The following FHIT variants were observed in gnomAD, a reference collection of about 807,000 sequenced individuals.
FHIT encodes fragile histidine triad diadenosine triphosphatase.
FHIT carries 19 observed loss-of-function variants against 17.9 expected under a neutral mutation model. The ratio of observed to expected loss-of-function variants is 1.06; its 90% CI spans 0.74 to 1.56. The LOEUF (loss-of-function observed/expected upper bound fraction) is 1.56. Among genes scored for constraint, FHIT ranks in the 40% most tolerant of loss-of-function variants. The probability of loss-of-function intolerance (pLI) is 0.00; values close to 1 mark genes in which losing one functional copy is unlikely to be tolerated. For synonymous variants in FHIT, 81 were observed against 69.7 expected, an observed-to-expected ratio of 1.16 and a Z score of -0.81; for missense variants, 248 against 189.2, an observed-to-expected ratio of 1.31 and a Z score of -1.82.
In FHIT at chr3:60,182,614, C is replaced by CA. The variant is rs375394278; in HGVS notation, c.104-168463dup. Reference sequence around the variant, plus strand: ...GCAACATGGCAAGTTCCTGTCTCTACAAAAAAATATAACAACAAAAAAGTC... The same window carrying CA: ...GCAACATGGCAAGTTCCTGTCTCTACAAAAAAAATATAACAACAAAAAAGTC... On this transcript the variant is annotated intron_variant, in intron 5 of 9. Coordinates refer to ENST00000492590, the MANE Select transcript of FHIT (RefSeq NM_002012.4). Among the ~76,000 whole-genome samples, 18 of 151,832 alleles carry CA rather than the reference C, an allele frequency of 1.2e-4. 2 individuals carry two copies. The South Asian group carries it at 3.5e-3, about 30-fold the overall frequency.
chr3:61,128,190 C>A (rs540911038), intron 2 of FHIT, among the ~76,000 whole-genome samples: 2 of 152,132 alleles, frequency 1.3e-5, no homozygotes, highest in East Asian at 3.9e-4. Context: ...AGATAAACTC[C>A]AGCTGAAAAC....
chr3:60,209,059 G>C lies in FHIT; in HGVS notation c.104-194907C>G, dbSNP rs138458426. ...TTTATCAAATATACCGGAAGTCCCA[G>C]AATAAGGGTACTCTAAATACATCAT... On this transcript the variant is annotated intron_variant, in intron 5 of 9. Transcript: ENST00000492590. Among the ~76,000 whole-genome samples the C allele has an allele frequency of 8.6e-3, 1,314 of 152,194 alleles. 13 individuals carry two copies. Among genetic ancestry groups the C allele is most frequent in the Middle Eastern group, 0.044 (13 of 294 alleles).
chr3:60,260,123 C>T (rs1706215917), intron 5 of FHIT, among the ~76,000 whole-genome samples: 1 of 152,018 alleles, frequency 6.6e-6, no homozygotes, highest in South Asian at 2.1e-4. Context: ...GTGCATCTAA[C>T]CACTACAAGT....
intron 7 of FHIT, among the ~76,000 whole-genome samples, chr3:59,949,448 A>G (rs1707001825): frequency 6.6e-6 from 1 of 152,228 alleles, no homozygotes; most frequent in African/African-American, 2.4e-5. Flanking sequence ...TGAATCAACT[A>G]TACCTGGATT....
At chr3:60,913,268 C>T (rs1303289209) in intron 3 of FHIT, among the ~76,000 whole-genome samples, 1 of 152,324 alleles carries the variant, frequency 6.6e-6, no homozygotes, top group Non-Finnish European at 1.5e-5. Context: ...TGAGCCAGTA[C>T]AGAATTTGAA....
intron 3 of FHIT, among the ~76,000 whole-genome samples, chr3:60,858,652 A>G (rs1458993588): frequency 6.6e-6 from 1 of 152,164 alleles, no homozygotes; most frequent in Non-Finnish European, 1.5e-5. Context: ...GTGCCTTATT[A>G]TAACTATCAC....
At chr3:60,364,778 T>C (rs1700042544) in intron 5 of FHIT, among the ~76,000 whole-genome samples, 2 of 152,208 alleles carry the variant, frequency 1.3e-5, no homozygotes, top group Admixed American at 6.5e-5. Context: ...CTAATATGGA[T>C]GGGCATCATT....
At chr3:61,096,357 G>C (rs963531605) in intron 2 of FHIT, among the ~76,000 whole-genome samples, 5 of 152,208 alleles carry the variant, frequency 3.3e-5, no homozygotes, top group African/African-American at 1.2e-4. Context: ...CTCACAGAGG[G>C]AGAGTGCTAA....
At chr3:60,189,052 C>A (rs1463620343) in intron 5 of FHIT, among the ~76,000 whole-genome samples, 1 of 152,168 alleles carries the variant, frequency 6.6e-6, no homozygotes, top group Admixed American at 6.5e-5. Flanking sequence ...TTTCTCTCCT[C>A]ACCTAGCTTT....
chr3:60,122,228 A>G (rs1284865349), intron 5 of FHIT, among the ~76,000 whole-genome samples: 1 of 152,210 alleles, frequency 6.6e-6, no homozygotes, highest in African/African-American at 2.4e-5. Context: ...TAAAAACATT[A>G]TATTAGTATA....
intron 3 of FHIT, among the ~76,000 whole-genome samples, chr3:60,973,024 T>G (rs1326297137): frequency 1.3e-5 from 2 of 152,162 alleles, no homozygotes; most frequent in South Asian, 4.1e-4. Context: ...AATTTCTCAG[T>G]CACTTTTGGA....
At chr3:60,931,207 C>T (rs1473672153) in intron 3 of FHIT, among the ~76,000 whole-genome samples, 2 of 150,448 alleles carry the variant, frequency 1.3e-5, no homozygotes, top group African/African-American at 2.5e-5. Flanking sequence ...AACACCGGGG[C>T]CTGTTGTGGG....
At position 60,855,103 on chromosome 3, in the gene FHIT, T is replaced by C. The variant is rs184125019; in HGVS notation, c.-110-33092A>G. ...CTTAGAACACCATTTAGAAGTGTTA[T>C]GGTTTTCTGTTCTTAATCCAAATGT... On this transcript the variant is annotated intron_variant, in intron 3 of 9. Coordinates refer to ENST00000492590, the MANE Select transcript of FHIT (RefSeq NM_002012.4). Among the ~76,000 whole-genome samples the C allele has an allele frequency of 2.6e-4, 39 of 152,296 alleles. 1 individual carries two copies. Among genetic ancestry groups the C allele is most frequent in the Admixed American group, 2.6e-3 (39 of 15,282 alleles).
At chr3:59,798,855 C>G (rs1056001726) in intron 8 of FHIT, among the ~76,000 whole-genome samples, 3 of 152,194 alleles carry the variant, frequency 2.0e-5, no homozygotes, top group African/African-American at 7.2e-5. Context: ...CTAACAAACA[C>G]TGTGGCTGGC....
intron 7 of FHIT, among the ~76,000 whole-genome samples, chr3:59,992,990 A>C (rs1699353724): frequency 6.6e-6 from 1 of 152,104 alleles, no homozygotes; most frequent in Admixed American, 6.6e-5. Context: ...CCAGGTCGTT[A>C]ATGAAATGAT....
intron 5 of FHIT, among the ~76,000 whole-genome samples, chr3:60,115,172 C>T (rs982731014): frequency 6.6e-6 from 1 of 151,900 alleles, no homozygotes; most frequent in Non-Finnish European, 1.5e-5. Context: ...AAAAATGAAA[C>T]ATAACGCCCC....
At chr3:60,347,487 A>G (rs1710838614) in intron 5 of FHIT, among the ~76,000 whole-genome samples, 1 of 152,112 alleles carries the variant, frequency 6.6e-6, no homozygotes, top group Admixed American at 6.6e-5. Flanking sequence ...TGGGGGGACG[A>G]TTACTCATGC....
chr3:60,062,958 G>C (rs1012567350), intron 5 of FHIT, among the ~76,000 whole-genome samples: 2 of 152,130 alleles, frequency 1.3e-5, no homozygotes, highest in African/African-American at 4.8e-5. Flanking sequence ...TGGAGGAGGA[G>C]AAGAGTCAAC....
chr3:60,431,769 G>C (rs1387831262), intron 5 of FHIT, among the ~76,000 whole-genome samples: 1 of 151,884 alleles, frequency 6.6e-6, no homozygotes, highest in Non-Finnish European at 1.5e-5. Flanking sequence ...CCCCCTTCTG[G>C]TGAGCACTTA....
Sources: allele counts gnomAD v4.1 joint callset (sites outside exome capture counted in the v4.1 genomes callset), GRCh38; gene constraint gnomAD v4.1.1; transcripts MANE v1.5; gene names NCBI Gene and HGNC (gene_info 2026-07-23, HGNC 2026-07-21).